ABRAXAS1: variants seen among roughly 807,000 people sequenced by gnomAD.
ABRAXAS1 encodes abraxas 1, BRCA1 A complex subunit, also known as BRCA1-A complex subunit Abraxas 1.
ABRAXAS1 carries 26 observed loss-of-function variants against 38.4 expected under a neutral mutation model. The ratio of observed to expected loss-of-function variants is 0.68; its 90% CI spans 0.50 to 0.94. ABRAXAS1 has a LOEUF of 0.94. Among genes scored for constraint, ABRAXAS1 ranks in the 40% least tolerant of loss-of-function variants. The pLI, the probability that ABRAXAS1 is intolerant of heterozygous loss-of-function variation, is 0.00. For missense variants in ABRAXAS1, 438 were observed against 481.9 expected, an observed-to-expected ratio of 0.91 and a Z score of 0.85; for synonymous variants, 144 against 165.5, an observed-to-expected ratio of 0.87 and a Z score of 1.00.
rs542182996 is a variant in ABRAXAS1 at position 83,474,735 on chromosome 4, A to C, written c.215+1908T>G. 8.7e-5 allele frequency among the ~76,000 whole-genome samples: 11 copies of C among 126,076 alleles called. No homozygotes were observed. In the East Asian group the frequency reaches 1.5e-3, roughly 18 times the overall value. The allele number at this position is 126,076 out of a possible 152,430, so 82.7% of individuals were successfully genotyped here. On this transcript the variant is annotated intron_variant, in intron 3 of 8. Transcript: ENST00000321945. ...CTCAAAAAAAAAAAAAAAAAGTAGTAAACAGTCTCAGATCGAGGGCCACAT... is the reference window on the plus strand; with the variant it reads ...CTCAAAAAAAAAAAAAAAAAGTAGTCAACAGTCTCAGATCGAGGGCCACAT...
intron 7 of ABRAXAS1, among the ~76,000 whole-genome samples, chr4:83,464,630 T>TA (rs1722278877): frequency 6.6e-6 from 1 of 152,174 alleles, no homozygotes. Flanking sequence ...TGCCCTGACA[T>TA]AAGAGTTTGC....
At position 83,461,068 on chromosome 4, in the gene ABRAXAS1, G is replaced by C; in HGVS notation, c.*1401C>G. Reference sequence around the variant, plus strand: ...ATACCTCAACAACTGAATTGAGCTAGCTGAAATTTTGCTCATTATGTTTTG... The same window carrying C: ...ATACCTCAACAACTGAATTGAGCTACCTGAAATTTTGCTCATTATGTTTTG... On this transcript the variant is annotated 3_prime_UTR_variant, in exon 9 of 9. Transcript: ENST00000321945. The C allele has an allele frequency of 2.5e-6, 4 of 1,611,988 alleles. No homozygotes were observed. Among genetic ancestry groups the C allele is most frequent in the African/African-American group, 1.3e-5 (1 of 74,966 alleles).
intron 2 of ABRAXAS1, chr4:83,477,990 T>C (rs2110046015): frequency 1.0e-6 from 1 of 965,288 alleles, no homozygotes; most frequent in Non-Finnish European, 1.7e-6. Flanking sequence ...GGGAGCATGA[T>C]TGGCAGCTTC....
intron 7 of ABRAXAS1, among the ~76,000 whole-genome samples, chr4:83,466,401 T>C (rs1022434662): frequency 6.6e-6 from 1 of 152,206 alleles, no homozygotes; most frequent in Admixed American, 6.5e-5. Flanking sequence ...TGTTCCCAAA[T>C]ATACTTCCCT....
chr4:83,472,763 G>A (rs1191254107), intron 3 of ABRAXAS1, among the ~76,000 whole-genome samples: 1 of 152,168 alleles, frequency 6.6e-6, no homozygotes, highest in Non-Finnish European at 1.5e-5. Flanking sequence ...GTTTTTTGGG[G>A]TGGGGGAAGG....
At chr4:83,469,381 A>G (rs533717544) in intron 5 of ABRAXAS1, 1 of 430,532 alleles carries the variant, frequency 2.3e-6, no homozygotes, top group Non-Finnish European at 4.2e-6. Context: ...TGGTGCGATC[A>G]TGGCTCAATA....
In ABRAXAS1 at chr4:83,470,208, T is replaced by C. The variant is rs1205073686; in HGVS notation, c.471A>G (p.Gln157=). The C allele has an allele frequency of 2.5e-6, 4 of 1,609,754 alleles. No homozygotes were observed. Among genetic ancestry groups the C allele is most frequent in the East Asian group, 4.5e-5 (2 of 44,810 alleles). The change falls in exon 5 of 9, where the codon CAA becomes CAG. Residue 157 remains glutamine, a synonymous_variant. Transcript: ENST00000321945. Reference sequence around the variant, plus strand: ...AGTGACTGGCCAACATTTACCCTTTTTGAGGTTTATATAAGGAATGTTCCA... The same window carrying C: ...AGTGACTGGCCAACATTTACCCTTTCTGAGGTTTATATAAGGAATGTTCCA... The part of the protein sequence containing the change: ...HRLEHSLYKP[Q]KGLFHRVPLV...
chr4:83,465,581 G>A (rs1472695153), intron 7 of ABRAXAS1, among the ~76,000 whole-genome samples: 1 of 152,036 alleles, frequency 6.6e-6, no homozygotes, highest in Non-Finnish European at 1.5e-5. Context: ...TGAGCGCAGG[G>A]GATGGAGACC....
chr4:83,479,514 A>G (rs1020745455), intron 2 of ABRAXAS1: 1 of 152,134 alleles, frequency 6.6e-6, no homozygotes, highest in African/African-American at 2.4e-5. Context: ...TACCTCCAGG[A>G]GTGTGACTTT....
chr4:83,466,449 C>A (rs1034436231), intron 7 of ABRAXAS1, among the ~76,000 whole-genome samples: 3 of 152,186 alleles, frequency 2.0e-5, no homozygotes, highest in Non-Finnish European at 2.9e-5. Context: ...CTGCCTATTA[C>A]CATGTGATGT....
rs999568705 is a variant in ABRAXAS1 at position 83,469,076 on chromosome 4, A to G, written c.552T>C (p.Gly184=). 1 of 1,613,742 alleles carries G rather than the reference A, an allele frequency of 6.2e-7. No homozygotes were observed. Among genetic ancestry groups the G allele is most frequent in the Non-Finnish European group, 8.5e-7 (1 of 1,179,984 alleles). The change falls in exon 6 of 9, where the codon GGT becomes GGC. Residue 184 remains glycine, a synonymous_variant. Coordinates refer to ENST00000321945, the MANE Select transcript of ABRAXAS1 (RefSeq NM_139076.3). ...SEQLGYKTVS[G]SCMSTGFSRA... Reference sequence around the variant, plus strand: ...GGCTAAAACCAGTGGACATACAGGAACCTGATACAGTTTTATAACCCAGTT... The same window carrying G: ...GGCTAAAACCAGTGGACATACAGGAGCCTGATACAGTTTTATAACCCAGTT...
intron 2 of ABRAXAS1, chr4:83,478,510 C>A: frequency 2.7e-6 from 1 of 373,930 alleles, no homozygotes; most frequent in South Asian, 2.3e-5. Context: ...TGGCAAAGTT[C>A]TAAGTGTTTA....
intron 2 of ABRAXAS1, chr4:83,477,680 C>T (rs768341273): frequency 1.2e-5 from 7 of 570,824 alleles, no homozygotes; most frequent in African/African-American, 7.5e-5. Flanking sequence ...CATTGATGTC[C>T]GTTTCAAAGA....
Position 83,461,190 on chromosome 4 carries a change from G to A in ABRAXAS1, c.*1279C>T, listed in dbSNP as rs375755956. 20 of 1,611,276 alleles carry A rather than the reference G, an allele frequency of 1.2e-5. No individual in the cohort carries two copies. The African/African-American group carries it at 1.6e-4, about 13-fold the overall frequency. ...CCTAAAGTTTGTAACATCAGATATCGGGAATAAATTCTATCACGTTACCAC... is the reference window on the plus strand; with the variant it reads ...CCTAAAGTTTGTAACATCAGATATCAGGAATAAATTCTATCACGTTACCAC... On this transcript the variant is annotated 3_prime_UTR_variant, in exon 9 of 9. Coordinates refer to ENST00000321945, the MANE Select transcript of ABRAXAS1 (RefSeq NM_139076.3).
At position 83,462,678 on chromosome 4, in the gene ABRAXAS1, G is replaced by A. The variant is rs2110033070; in HGVS notation, c.1021C>T (p.Pro341Ser). The A allele has an allele frequency of 6.2e-7, 1 of 1,613,866 alleles. No homozygotes were observed. Among genetic ancestry groups the A allele is most frequent in the African/African-American group, 1.3e-5 (1 of 75,026 alleles). ...DIPEASPAST[P>S]QIIKHKALDL... is the part of the protein sequence containing the mutation. ...AAGGCTTTATGCTTAATGATTTGTG[G>A]TGTACTAGCTGGACTAGCTTCAGGA... Residue 341 changes from proline (P) to serine (S), a missense_variant, in exon 9 of 9, where the codon CCA (proline) becomes TCA (serine). Around this residue, in one of 3 missense-constraint regions of ABRAXAS1, gnomAD observed 184 missense variants for 181.9 expected, o/e 1.01. Transcript: ENST00000321945.
intron 5 of ABRAXAS1, 165 bp from the exon 6 acceptor site, chr4:83,469,316 GT>G (rs148107040): frequency 0.1 from 46,681 of 463,642 alleles, 10 homozygotes; most frequent in South Asian, 0.14. Context: ...TGAAACAACT[GT>G]TTTTTTTTTT....
At chr4:83,468,029 G>T (rs559093643) in intron 6 of ABRAXAS1, among the ~76,000 whole-genome samples, 1 of 152,122 alleles carries the variant, frequency 6.6e-6, no homozygotes, top group Non-Finnish European at 1.5e-5. Flanking sequence ...CTTGCCGGGC[G>T]CGGTGGCTCA....
At chr4:83,468,352 A>G (rs989938435) in intron 6 of ABRAXAS1, among the ~76,000 whole-genome samples, 1 of 151,664 alleles carries the variant, frequency 6.6e-6, no homozygotes, top group Non-Finnish European at 1.5e-5. Context: ...CTCAGAATCA[A>G]TGAAATACGG....
At chr4:83,464,676 C>G (rs1443257100) in intron 7 of ABRAXAS1, among the ~76,000 whole-genome samples, 1 of 152,156 alleles carries the variant, frequency 6.6e-6, no homozygotes, top group Non-Finnish European at 1.5e-5. Flanking sequence ...CCAGAGCTGA[C>G]CCAAACAGAA....
Sources: gnomAD v4.1 joint callset for allele counts (sites outside exome capture counted in the v4.1 genomes callset) on GRCh38, gnomAD v4.1.1 for gene constraint, gnomAD v4.1.1 regional missense constraint, MANE v1.5 for transcripts, NCBI Gene and HGNC (gene_info 2026-07-23, HGNC 2026-07-21) for gene names.